The following WNT9A variants were observed in gnomAD, a reference collection of about 807,000 sequenced individuals.
The protein encoded by WNT9A is Wnt family member 9A, also known as protein Wnt-9a.
A neutral mutation model predicts 31.4 loss-of-function variants in WNT9A; 8 were observed. The observed-to-expected ratio is 0.26, with a 90% CI of 0.15 to 0.46. WNT9A has a LOEUF of 0.46. WNT9A is among the 20% of genes least tolerant of loss of function. The pLI, the probability that WNT9A is intolerant of heterozygous loss-of-function variation, is 0.99. For missense variants in WNT9A, 457 were observed against 522.9 expected (o/e 0.87, Z 1.23); for synonymous variants, 236 against 220.1 (o/e 1.07, Z -0.64).
chr1:227,930,698 T>G (rs1353957679), intron 1 of WNT9A, among the ~76,000 whole-genome samples: 1 of 152,226 alleles, frequency 6.6e-6, no homozygotes, highest in African/African-American at 2.4e-5. Context: ...AGGCGCCCTT[T>G]GGTTCTTAGT....
chr1:227,940,263 G>C (rs1666670497), intron 1 of WNT9A, among the ~76,000 whole-genome samples: 1 of 152,226 alleles, frequency 6.6e-6, no homozygotes, highest in Non-Finnish European at 1.5e-5. Context: ...TGGTCTGTGG[G>C]CTGCAAGACA....
Position 227,938,077 on chromosome 1 carries a change from C to T in WNT9A, c.95+9716G>A, listed in dbSNP as rs139353266. Among the ~76,000 whole-genome samples, 135 of 152,274 alleles carry T rather than the reference C, an allele frequency of 8.9e-4. 3 individuals carry two copies. In the East Asian group the frequency reaches 0.023, roughly 25 times the overall value. On this transcript the variant is annotated intron_variant, in intron 1 of 3. Transcript: ENST00000272164. ...GCGGGTCCTGGCCTTTACTATGCAC[C>T]CTCATCCCATGAGACCAAACCAACC...
At position 227,947,893 on chromosome 1, in the gene WNT9A, C is replaced by A; in HGVS notation, c.-6G>T. The A allele has an allele frequency of 9.4e-7, 1 of 1,066,508 alleles. No individual in the cohort carries two copies. The highest frequency in any genetic ancestry group is 1.1e-6 in the Non-Finnish European group (1 of 883,484). 66.1% of individuals were successfully genotyped at this position (1,066,508 alleles called of 1,614,324 possible). A position where few individuals can be genotyped will look rare whatever the true frequency, so the allele number is the denominator to read the frequency against. On this transcript the variant is annotated 5_prime_UTR_variant, in exon 1 of 4. Transcript: ENST00000272164. Reference sequence around the variant, plus strand: ...AGCGGGGACCCATCCAGCATCTTGCCGCGCCTCGGCGGCCGACCATCGCGC... The same window carrying A: ...AGCGGGGACCCATCCAGCATCTTGCAGCGCCTCGGCGGCCGACCATCGCGC...
Position 227,947,859 on chromosome 1 carries a change from C to A in WNT9A, c.29G>T (p.Trp10Leu). 2 of 1,085,992 alleles carry A rather than the reference C, an allele frequency of 1.8e-6. No homozygotes were observed. The highest frequency in any genetic ancestry group is 3.4e-5 in the African/African-American group (2 of 59,434). 67.3% of individuals were successfully genotyped at this position (1,085,992 alleles called of 1,614,324 possible). Residue 10 changes from tryptophan to leucine, a missense_variant, in exon 1 of 4, where the codon TGG becomes TTG. Trp to Leu is a moderately conservative substitution (Grantham distance 61). Transcript: ENST00000272164. Reference sequence around the variant, plus strand: ...CGTCAGCCCGAAGGCCGCGGCCAGCCAGCGCGCCAGCGGGGACCCATCCAG... The same window carrying A: ...CGTCAGCCCGAAGGCCGCGGCCAGCAAGCGCGCCAGCGGGGACCCATCCAG... Reference protein sequence around the residue: MLDGSPLARWLAAAFGLTLL... With the variant: MLDGSPLARLLAAAFGLTLL...
chr1:227,943,739 G>A (rs1666750946), intron 1 of WNT9A, among the ~76,000 whole-genome samples: 1 of 152,224 alleles, frequency 6.6e-6, no homozygotes, highest in Non-Finnish European at 1.5e-5. Context: ...ACTTTGCGAG[G>A]CTGACGTGGG....
chr1:227,922,780 C>T (rs113974259), intron 3 of WNT9A, among the ~76,000 whole-genome samples: 7 of 152,332 alleles, frequency 4.6e-5, no homozygotes, highest in Admixed American at 2.6e-4. Context: ...CAAAGACAGG[C>T]CTGGTGGGGA....
At chr1:227,935,784 G>C (rs1180182539) in intron 1 of WNT9A, among the ~76,000 whole-genome samples, 1 of 152,164 alleles carries the variant, frequency 6.6e-6, no homozygotes, top group East Asian at 1.9e-4. Flanking sequence ...CTGCTCATCT[G>C]AAGTTGCACA....
intron 1 of WNT9A, among the ~76,000 whole-genome samples, chr1:227,930,819 G>A (rs968444293): frequency 3.9e-5 from 6 of 152,014 alleles, no homozygotes; most frequent in African/African-American, 9.7e-5. Context: ...TCAGGAGTTC[G>A]AGACCAGCCT....
intron 3 of WNT9A, among the ~76,000 whole-genome samples, chr1:227,922,481 A>T (rs1256104600): frequency 6.6e-6 from 1 of 152,244 alleles, no homozygotes; most frequent in Non-Finnish European, 1.5e-5. Context: ...ATCGGGAACC[A>T]GGTGCTACCG....
At chr1:227,930,820 A>G (rs1397276104) in intron 1 of WNT9A, among the ~76,000 whole-genome samples, 4 of 152,160 alleles carry the variant, frequency 2.6e-5, no homozygotes, top group African/African-American at 9.7e-5. Context: ...CAGGAGTTCG[A>G]GACCAGCCTG....
chr1:227,930,430 T>C (rs1666490531), intron 1 of WNT9A, among the ~76,000 whole-genome samples: 1 of 152,090 alleles, frequency 6.6e-6, no homozygotes, highest in South Asian at 2.1e-4. Context: ...CCAGAATCCA[T>C]GGAACTCGCT....
rs1203177503 is a variant in WNT9A, at chr1:227,921,739, C to G, written c.877G>C (p.Asp293His). Reference sequence around the variant, plus strand: ...GCCAGGCAGAAGCTAGGCGAGTCATCCAGGTGCACCAGCTCTGGAGTGCGG... The same window carrying G: ...GCCAGGCAGAAGCTAGGCGAGTCATGCAGGTGCACCAGCTCTGGAGTGCGG... Reference protein sequence around the residue: ...LPRTPELVHLDDSPSFCLAGR... With the variant: ...LPRTPELVHLHDSPSFCLAGR... Residue 293 changes from aspartate to histidine, a missense_variant, in exon 4 of 4, where the codon GAT becomes CAT. By Grantham distance (81) the Asp-to-His change is moderately conservative. Coordinates refer to ENST00000272164, the MANE Select transcript of WNT9A (RefSeq NM_003395.4). 3 of 1,612,544 alleles carry G rather than the reference C, an allele frequency of 1.9e-6. No individual in the cohort carries two copies. In the East Asian group the frequency reaches 6.7e-5, roughly 36 times the overall value.
chr1:227,924,055 C>T (rs1352733122), intron 3 of WNT9A, 83 bp downstream of exon 3: 2 of 632,458 alleles, frequency 3.2e-6, no homozygotes, highest in South Asian at 5.3e-5. Context: ...TGCAGCCCCG[C>T]CCCCAGTCCC....
intron 1 of WNT9A, among the ~76,000 whole-genome samples, chr1:227,945,616 G>A (rs1483840934): frequency 6.6e-6 from 1 of 152,130 alleles, no homozygotes; most frequent in African/African-American, 2.4e-5. Flanking sequence ...GGGGAAGGGA[G>A]AAAACGGCCC....
chr1:227,943,103 G>A (rs1015417390), intron 1 of WNT9A, among the ~76,000 whole-genome samples: 27 of 152,214 alleles, frequency 1.8e-4, no homozygotes, highest in African/African-American at 5.3e-4. Flanking sequence ...CTTGGACCCT[G>A]CGGGGTCTGA....
chr1:227,943,166 C>G (rs1666735862), intron 1 of WNT9A, among the ~76,000 whole-genome samples: 2 of 152,200 alleles, frequency 1.3e-5, no homozygotes, highest in African/African-American at 4.8e-5. Context: ...TGACAGCAGC[C>G]TCTCCGCAGC....
At chr1:227,947,537 GACT>G (rs1012255267) in intron 1 of WNT9A, among the ~76,000 whole-genome samples, 4 of 151,750 alleles carry the variant, frequency 2.6e-5, no homozygotes, top group Non-Finnish European at 4.4e-5. Context: ...TCACGGCGGC[GACT>G]ACGACGACGA....
rs375770220 is a variant in WNT9A at position 227,926,555 on chromosome 1, G to A, written c.96-1036C>T. Among the ~76,000 whole-genome samples the A allele has an allele frequency of 1.3e-5, 2 of 152,092 alleles. No homozygotes were observed. The highest frequency in any genetic ancestry group is 3.9e-4 in the East Asian group (2 of 5,154). Reference sequence around the variant, plus strand: ...CTGCAGCTCTGTGTCAGACCTGCCAGCCCAGTGTCCCCACATGGGTGGACT... The same window carrying A: ...CTGCAGCTCTGTGTCAGACCTGCCAACCCAGTGTCCCCACATGGGTGGACT... On this transcript the variant is annotated intron_variant, in intron 1 of 3. Transcript: ENST00000272164. This position sits in a 1 kb window ranked among gnomAD's most constrained non-coding sequence, Gnocchi z 5.0.
intron 1 of WNT9A, among the ~76,000 whole-genome samples, chr1:227,940,984 CT>C (rs1338910721): frequency 6.6e-6 from 1 of 152,254 alleles, no homozygotes; most frequent in Non-Finnish European, 1.5e-5. Context: ...AATATGACCC[CT>C]GAAGGAAAAC....
Sources: gnomAD v4.1 joint callset for allele counts (sites outside exome capture counted in the v4.1 genomes callset) on GRCh38, gnomAD v4.1.1 for gene constraint, Gnocchi (gnomAD v3.1) non-coding constraint, MANE v1.5 for transcripts, NCBI Gene and HGNC (gene_info 2026-07-23, HGNC 2026-07-21) for gene names.